Variants in LMBRD1 observed in about 807,000 individuals in gnomAD.
The protein encoded by LMBRD1 is LMBR1 domain containing 1.
LMBRD1 carries 64 observed loss-of-function variants against 74.8 expected under a neutral mutation model. The ratio of observed to expected loss-of-function variants is 0.86; its 90% confidence interval spans 0.70 to 1.05. The LOEUF is 1.05. LMBRD1 is among the 50% of genes least tolerant of loss of function. LMBRD1 has a pLI of 0.00. For synonymous variants in LMBRD1, 204 were observed against 216.3 expected (o/e 0.94, Z 0.50); for missense variants, 652 against 645.9 (o/e 1.01, Z -0.10).
chr6:69,700,932 A>C, intron 11 of LMBRD1, 63 bp from the exon 12 acceptor site: 1 of 1,051,366 alleles, frequency 9.5e-7, no homozygotes, highest in Non-Finnish European at 1.3e-6. Context: ...CAGTCATATA[A>C]AATAAGCTAA....
intron 2 of LMBRD1, among the ~76,000 whole-genome samples, chr6:69,787,875 T>C (rs1765991936): frequency 6.6e-6 from 1 of 152,240 alleles, no homozygotes; most frequent in Non-Finnish European, 1.5e-5. Context: ...ACTACAGCCA[T>C]ATTTTTTTTC....
chr6:69,695,066 T>G (rs1028225721), intron 14 of LMBRD1, among the ~76,000 whole-genome samples: 1 of 152,128 alleles, frequency 6.6e-6, no homozygotes, highest in Non-Finnish European at 1.5e-5. Context: ...CTTGCTTCCT[T>G]CTTTGCAATG....
intron 13 of LMBRD1, among the ~76,000 whole-genome samples, chr6:69,698,719 C>T (rs1452196389): frequency 1.3e-5 from 2 of 151,602 alleles, no homozygotes; most frequent in African/African-American, 4.8e-5. Context: ...TCTTTGGGAG[C>T]CATATTATTA....
chr6:69,679,337 A>G (rs1329884746), intron 14 of LMBRD1, among the ~76,000 whole-genome samples: 1 of 152,162 alleles, frequency 6.6e-6, no homozygotes, highest in Non-Finnish European at 1.5e-5. Flanking sequence ...TCAGACTCAC[A>G]GCAGAGACTC....
At chr6:69,739,528 T>G (rs890016444) in intron 6 of LMBRD1, among the ~76,000 whole-genome samples, 3 of 149,778 alleles carry the variant, frequency 2.0e-5, no homozygotes, top group African/African-American at 7.7e-5. Flanking sequence ...ACAACATTAT[T>G]TCATGAAAGA....
chr6:69,758,991 T>G (rs1028352962), intron 3 of LMBRD1, among the ~76,000 whole-genome samples: 5 of 152,134 alleles, frequency 3.3e-5, no homozygotes, highest in Admixed American at 2.0e-4. Flanking sequence ...TCACTGGAAT[T>G]AGATCAAAGT....
At chr6:69,779,064 T>TAAATTACAG (rs1765768306) in intron 3 of LMBRD1, among the ~76,000 whole-genome samples, 1 of 151,636 alleles carries the variant, frequency 6.6e-6, no homozygotes, top group Admixed American at 6.6e-5. Flanking sequence ...TGTGTGCCTG[T>TAAATTACAG]AATCCCAGCT....
chr6:69,727,285 T>C (rs1431869709), intron 7 of LMBRD1, among the ~76,000 whole-genome samples: 1 of 152,242 alleles, frequency 6.6e-6, no homozygotes, highest in African/African-American at 2.4e-5. Flanking sequence ...ATGCATTGCA[T>C]GCCTATACCA....
At chr6:69,768,615 G>T (rs1765518208) in intron 3 of LMBRD1, among the ~76,000 whole-genome samples, 2 of 151,740 alleles carry the variant, frequency 1.3e-5, no homozygotes, top group African/African-American at 4.8e-5. Context: ...ACAAAGATAA[G>T]AAAAGGAGAA....
chr6:69,720,096 TAA>T (rs946422380), intron 7 of LMBRD1, among the ~76,000 whole-genome samples: 2 of 152,216 alleles, frequency 1.3e-5, no homozygotes, highest in Non-Finnish European at 2.9e-5. Context: ...TATTCTTCAC[TAA>T]ATCTCTTTTA....
chr6:69,744,391 C>A (rs1345043503), intron 5 of LMBRD1, among the ~76,000 whole-genome samples: 1 of 152,152 alleles, frequency 6.6e-6, no homozygotes, highest in Admixed American at 6.5e-5. Flanking sequence ...AAATTTGCAA[C>A]CTCTGGCATA....
At chr6:69,780,763 G>A (rs1029763489) in intron 2 of LMBRD1, among the ~76,000 whole-genome samples, 1 of 152,122 alleles carries the variant, frequency 6.6e-6, no homozygotes, top group African/African-American at 2.4e-5. Flanking sequence ...GGAAAACACA[G>A]ACAAAAGGCA....
chr6:69,702,149 T>C (rs1476416075), intron 9 of LMBRD1, among the ~76,000 whole-genome samples, 196 bp from the exon 10 acceptor site: 1 of 151,934 alleles, frequency 6.6e-6, no homozygotes, highest in Non-Finnish European at 1.5e-5. Context: ...ATTGAGAACA[T>C]GTACATAAAA....
At chr6:69,686,485 A>G (rs550280320) in intron 14 of LMBRD1, among the ~76,000 whole-genome samples, 179 of 152,350 alleles carry the variant, frequency 1.2e-3, no homozygotes, top group African/African-American at 4.2e-3. Flanking sequence ...AGAAATGTAT[A>G]ACCTTAATAG....
At chr6:69,789,380 G>A (rs1766031249) in intron 2 of LMBRD1, among the ~76,000 whole-genome samples, 1 of 151,932 alleles carries the variant, frequency 6.6e-6, no homozygotes, top group Non-Finnish European at 1.5e-5. Context: ...AAAAGAACTA[G>A]CCAGGCATGG....
At chr6:69,764,313 T>G (rs543509423) in intron 3 of LMBRD1, among the ~76,000 whole-genome samples, 2 of 149,894 alleles carry the variant, frequency 1.3e-5, no homozygotes, top group South Asian at 4.3e-4. Flanking sequence ...CCAGAGTACA[T>G]GCGCTAGATC....
At position 69,796,858 on chromosome 6, in the gene LMBRD1, C is replaced by G. The variant is rs571184918; in HGVS notation, c.24G>C (p.Ser8=). The change falls in exon 1 of 16, where the codon TCG becomes TCC. Residue 8 remains serine, a synonymous_variant. Coordinates refer to ENST00000649934, the MANE Select transcript of LMBRD1 (RefSeq NM_018368.4). MATSGAA[S]AELVIGWCIF... is the part of the protein sequence containing the mutation. ...TGCACCAGCCGATCACCAGCTCCGCCGAGGCCGCGCCAGAAGTCGCCATCT... is the reference window on the plus strand; with the variant it reads ...TGCACCAGCCGATCACCAGCTCCGCGGAGGCCGCGCCAGAAGTCGCCATCT... 17 of 1,614,006 alleles carry G rather than the reference C, an allele frequency of 1.1e-5. No individual in the cohort carries two copies. The South Asian group carries it at 1.4e-4, about 14-fold the overall frequency.
In LMBRD1 at chr6:69,780,568, A is replaced by C. The variant is rs1216357242; in HGVS notation, c.247-14T>G. 1 of 1,590,898 alleles carries C rather than the reference A, an allele frequency of 6.3e-7. No individual in the cohort carries two copies. On this transcript the variant is annotated splice_polypyrimidine_tract_variant and intron_variant, in intron 2 of 15. Transcript: ENST00000649934. ...ATTAGCCCAGTCCTAGGATAAAAGG[A>C]AACAATAGAAATATTAATGAAACAC...
chr6:69,739,962 T>C (rs1767064284), intron 6 of LMBRD1, among the ~76,000 whole-genome samples: 1 of 152,008 alleles, frequency 6.6e-6, no homozygotes, highest in Non-Finnish European at 1.5e-5. Flanking sequence ...AAAAATTAGC[T>C]AAGCGTGGTG....
Sources: allele counts gnomAD v4.1 joint callset (sites outside exome capture counted in the v4.1 genomes callset), GRCh38; gene constraint gnomAD v4.1.1; transcripts MANE v1.5; gene names NCBI Gene and HGNC (gene_info 2026-07-23, HGNC 2026-07-21).